Variants in NUP98 observed in about 807,000 individuals in gnomAD.
The protein encoded by NUP98 is nuclear pore complex protein Nup98-Nup96.
In NUP98, 26 loss-of-function variants were observed where a neutral mutation model predicts 191.9. The ratio of observed to expected loss-of-function variants is 0.14; its 90% confidence interval spans 0.10 to 0.19. NUP98 has a LOEUF of 0.19. Among genes scored for constraint, NUP98 ranks in the 10% least tolerant of loss-of-function variants. NUP98 has a pLI of 1.00. For missense variants in NUP98, 1,941 were observed against 2,178.8 expected (o/e 0.89, Z 2.17); for synonymous variants, 808 against 778.4 (o/e 1.04, Z -0.63).
intron 4 of NUP98, among the ~76,000 whole-genome samples, chr11:3,778,633 T>C (rs1258914066): frequency 4.6e-5 from 7 of 152,248 alleles, no homozygotes; most frequent in Non-Finnish European, 1.0e-4. Flanking sequence ...CAGGAAGCTC[T>C]TCCTCTGCAT....
Position 3,771,824 on chromosome 11 carries a change from G to A in NUP98, c.708C>T (p.Ser236=), listed in dbSNP as rs769709928. The change falls in exon 7 of 33, where the codon AGC becomes AGT. Residue 236 remains serine, a synonymous_variant. Transcript: ENST00000324932. The part of the protein sequence containing the change: ...GLFGSSPATS[S]ATGLFSSSTT... ...TGGAGGAGCTGAAGAGTCCTGTTGC[G>A]CTGGAAGTGGCTGGAGAAGACCCAA... 3.5e-5 allele frequency: 57 copies of A among 1,614,004 alleles called. No homozygotes were observed. In the East Asian group the frequency reaches 8.9e-4, roughly 25 times the overall value.
chr11:3,699,354 G>C lies in NUP98; in HGVS notation c.3743-6C>G, dbSNP rs978874272. The C allele has an allele frequency of 1.9e-6, 3 of 1,611,170 alleles. No individual in the cohort carries two copies. The highest frequency in any genetic ancestry group is 2.5e-6 in the Non-Finnish European group (3 of 1,177,452). ...CAGGCTCCAGTGCTTCACAACTAAG[G>C]CAGGAAGAGAAAAACAATGTTACGA... On this transcript the variant is annotated splice_region_variant and splice_polypyrimidine_tract_variant and intron_variant, in intron 24 of 32. Transcript: ENST00000324932.
At chr11:3,785,071 G>T (rs1402764329) in intron 1 of NUP98, among the ~76,000 whole-genome samples, 2 of 151,086 alleles carry the variant, frequency 1.3e-5, no homozygotes, top group Non-Finnish European at 3.0e-5. Context: ...CCCAGAGGTG[G>T]AGCCTGCAGT....
intron 28 of NUP98, among the ~76,000 whole-genome samples, chr11:3,689,495 C>G (rs571688625): frequency 1.3e-5 from 2 of 151,914 alleles, no homozygotes; most frequent in South Asian, 2.1e-4. Flanking sequence ...CCACTGCACT[C>G]CAGCCTGGGC....
At chr11:3,791,533 CA>C (rs71041395) in intron 1 of NUP98, among the ~76,000 whole-genome samples, 2,551 of 67,262 alleles carry the variant, frequency 0.038, 26 homozygotes, top group East Asian at 0.15. Context: ...GACCTCGTCT[CA>C]AAAAAAAAAA....
At chr11:3,768,880 C>T (rs2081426439) in intron 7 of NUP98, 136 bp from the exon 8 acceptor site, 1 of 585,302 alleles carries the variant, frequency 1.7e-6, no homozygotes, top group Admixed American at 3.6e-5. Flanking sequence ...ACTACTTGAT[C>T]ATCTTTTCGT....
chr11:3,693,508 A>C (rs557359690), intron 26 of NUP98, 133 bp from the exon 27 acceptor site: 8 of 933,772 alleles, frequency 8.6e-6, no homozygotes, highest in Non-Finnish European at 1.1e-5. Context: ...TACAAATATA[A>C]TAAAATCTCA....
intron 17 of NUP98, among the ~76,000 whole-genome samples, chr11:3,720,026 G>A (rs548651606): frequency 1.6e-4 from 24 of 152,142 alleles, no homozygotes; most frequent in African/African-American, 5.3e-4. Flanking sequence ...CTCCCAAAGC[G>A]CTAGAATTAC....
chr11:3,718,009 A>G (rs1374539400), intron 18 of NUP98, among the ~76,000 whole-genome samples: 1 of 152,172 alleles, frequency 6.6e-6, no homozygotes, highest in Admixed American at 6.6e-5. Flanking sequence ...TTTCATCAAT[A>G]TACTCATCAA....
At chr11:3,772,534 G>C (rs956006326) in intron 6 of NUP98, among the ~76,000 whole-genome samples, 1 of 152,112 alleles carries the variant, frequency 6.6e-6, no homozygotes, top group African/African-American at 2.4e-5. Context: ...AGTACATAAT[G>C]TGCCTGGGTG....
intron 14 of NUP98, among the ~76,000 whole-genome samples, chr11:3,726,045 G>T (rs956283756): frequency 6.6e-6 from 1 of 152,134 alleles, no homozygotes; most frequent in Non-Finnish European, 1.5e-5. Context: ...TTAGCCTAAT[G>T]TAAGAGCACT....
intron 31 of NUP98, 169 bp downstream of exon 31, chr11:3,679,385 A>G (rs2077919211): frequency 1.2e-6 from 1 of 812,012 alleles, no homozygotes; most frequent in Admixed American, 1.8e-5. Flanking sequence ...AAGTTTCGAT[A>G]TAGCTGTCAG....
In NUP98 at chr11:3,746,597, G is replaced by C. The variant is rs192955531; in HGVS notation, c.1268-1948C>G. 3.8e-3 allele frequency among the ~76,000 whole-genome samples: 575 copies of C among 151,878 alleles called. 1 individual carries two copies. The highest frequency in any genetic ancestry group is 6.1e-3 in the Non-Finnish European group (418 of 68,006). On this transcript the variant is annotated intron_variant, in intron 11 of 32. Coordinates refer to ENST00000324932, the MANE Select transcript of NUP98 (RefSeq NM_016320.5). Reference sequence around the variant, plus strand: ...TCTAAAATCACTGTACTGTATTTCAGTAATCCACAGAAGAATTAAAAAAAG... The same window carrying C: ...TCTAAAATCACTGTACTGTATTTCACTAATCCACAGAAGAATTAAAAAAAG...
intron 20 of NUP98, among the ~76,000 whole-genome samples, chr11:3,710,986 T>C (rs928158027): frequency 6.6e-6 from 1 of 152,008 alleles, no homozygotes; most frequent in Non-Finnish European, 1.5e-5. Context: ...ACGCCTGTAG[T>C]CCCAGCACTT....
chr11:3,791,810 C>A (rs1002264304), intron 1 of NUP98, among the ~76,000 whole-genome samples: 4 of 150,344 alleles, frequency 2.7e-5, no homozygotes, highest in Non-Finnish European at 5.9e-5. Flanking sequence ...ACACTGCACT[C>A]CAGCCTAGGC....
At chr11:3,761,616 G>T (rs182142416) in intron 9 of NUP98, among the ~76,000 whole-genome samples, 13 of 152,088 alleles carry the variant, frequency 8.5e-5, no homozygotes, top group Non-Finnish European at 1.5e-4. Flanking sequence ...AAAATCAGCT[G>T]GGCGCAGTGG....
chr11:3,779,795 A>T (rs2081890058), intron 2 of NUP98, among the ~76,000 whole-genome samples: 1 of 152,076 alleles, frequency 6.6e-6, no homozygotes, highest in African/African-American at 2.4e-5. Context: ...AGTCAAAAGG[A>T]GTGACTTTTC....
intron 1 of NUP98, among the ~76,000 whole-genome samples, chr11:3,792,877 G>T (rs1214674139): frequency 6.6e-6 from 1 of 152,086 alleles, no homozygotes; most frequent in African/African-American, 2.4e-5. Context: ...CCAGCACTTT[G>T]GGAGGCCAAG....
At chr11:3,791,147 A>G (rs188736999) in intron 1 of NUP98, among the ~76,000 whole-genome samples, 5,088 of 151,914 alleles carry the variant, frequency 0.033, 109 homozygotes, top group Non-Finnish European at 0.048. Context: ...CGCCCCCCTC[A>G]GCCTCCCAAA....
Sources: allele counts gnomAD v4.1 joint callset (sites outside exome capture counted in the v4.1 genomes callset), GRCh38; gene constraint gnomAD v4.1.1; transcripts MANE v1.5; gene names NCBI Gene and HGNC (gene_info 2026-07-23, HGNC 2026-07-21).